The following TRPV6 variants were observed in gnomAD, a reference collection of about 807,000 sequenced individuals.
TRPV6 encodes the protein Alu-binding protein with zinc finger domain.
Under a neutral mutation model 79.0 loss-of-function variants are expected in TRPV6, and 39 were observed. The observed-to-expected ratio is 0.49, with a 90% CI of 0.38 to 0.64. TRPV6 has a LOEUF of 0.64. Among genes scored for constraint, TRPV6 ranks in the 30% least tolerant of loss-of-function variants. The probability of loss-of-function intolerance (pLI) is 0.00; values close to 1 mark genes in which losing one functional copy is unlikely to be tolerated. For synonymous variants in TRPV6, 373 were observed against 391.9 expected (o/e 0.95, Z 0.57); for missense variants, 813 against 1,011.1 (o/e 0.80, Z 2.66).
Position 142,877,187 on chromosome 7 carries a change from T to C in TRPV6, c.562A>G (p.Thr188Ala), listed in dbSNP as rs754917834. ...GGACTACGGCGGAAGGCAGTGCCTG[T>C]GGCTCTGGCAGAGACACTGGCCCTG... Residue 188 changes from threonine (T) to alanine (A), a missense_variant, in exon 4 of 15, where the codon ACA (threonine) becomes GCA (alanine). This residue lies in a region of TRPV6 where 555 missense variants were observed against 631.0 expected (regional missense o/e 0.88). Coordinates refer to ENST00000359396, the MANE Select transcript of TRPV6 (RefSeq NM_018646.6). 1 of 1,614,188 alleles carries C rather than the reference T, an allele frequency of 6.2e-7. No homozygotes were observed. Among genetic ancestry groups the C allele is most frequent in the Non-Finnish European group, 8.5e-7 (1 of 1,180,034 alleles).
chr7:142,884,583 T>G (rs1381013307), intron 1 of TRPV6: 2 of 152,248 alleles, frequency 1.3e-5, no homozygotes, highest in Non-Finnish European at 2.9e-5. Context: ...TACTCCAAGC[T>G]GTCATGGTGA....
intron 8 of TRPV6, 59 bp downstream of exon 8, chr7:142,875,409 G>T: frequency 6.7e-7 from 1 of 1,487,626 alleles, no homozygotes; most frequent in Non-Finnish European, 9.0e-7. Flanking sequence ...AGGGACACCA[G>T]TCTCTGAGGA....
chr7:142,876,277 G>T lies in TRPV6; in HGVS notation c.882+131C>A. The T allele has an allele frequency of 3.7e-6, 5 of 1,366,922 alleles. 1 individual carries two copies. The South Asian group carries it at 4.4e-5, about 12-fold the overall frequency. The allele number at this position is 1,366,922 out of a possible 1,614,324, so 84.7% of individuals were successfully genotyped here. On this transcript the variant is annotated intron_variant, in intron 6 of 14. Transcript: ENST00000359396. ...GGAACAGGTAACCACAGTGGGAGGG[G>T]TTGAAAAATTTCTGAGTTGAGAATG...
intron 8 of TRPV6, 128 bp downstream of exon 8, chr7:142,875,340 G>T: frequency 1.6e-6 from 2 of 1,259,440 alleles, no homozygotes; most frequent in Non-Finnish European, 1.1e-6. Context: ...GCGTGCATTT[G>T]GAGTTTGTAC....
In TRPV6 at chr7:142,874,562, C is replaced by T. The variant is rs1332540982; in HGVS notation, c.1501G>A (p.Gly501Ser). ...GCGAAGTACATGACGTTGCACCAGC[C>T]CAGCACGAGTGCAAAGGACATGGGT... The change falls in exon 11 of 15, where the codon GGC (glycine) becomes AGC (serine). Residue 501 changes from glycine to serine, a missense_variant. Physicochemically the swap from Gly to Ser is moderately conservative, Grantham distance 56. Coordinates refer to ENST00000359396, the MANE Select transcript of TRPV6 (RefSeq NM_018646.6). 6.2e-7 allele frequency: 1 copy of T among 1,614,082 alleles called. No individual in the cohort carries two copies. Among genetic ancestry groups the T allele is most frequent in the African/African-American group, 1.3e-5 (1 of 74,994 alleles).
chr7:142,877,892 CT>C (rs752671314), intron 2 of TRPV6, 36 bp downstream of exon 2: 60 of 1,613,178 alleles, frequency 3.7e-5, no homozygotes, highest in Non-Finnish European at 5.0e-5. Context: ...ATGTGTGGGG[CT>C]CACCTAGGAG....
At chr7:142,881,311 A>G (rs1795186591) in intron 1 of TRPV6, 1 of 152,206 alleles carries the variant, frequency 6.6e-6, no homozygotes, top group South Asian at 2.1e-4. Context: ...CACCCTGCAC[A>G]TGACAGCCCT....
chr7:142,875,048 A>G, intron 9 of TRPV6, 30 bp downstream of exon 9: 6 of 1,614,156 alleles, frequency 3.7e-6, no homozygotes, highest in East Asian at 2.2e-5. Flanking sequence ...TCGGGCAGAC[A>G]GCCTCACCCA....
chr7:142,882,727 TGTAA>T (rs1326683897), intron 1 of TRPV6: 2 of 152,198 alleles, frequency 1.3e-5, no homozygotes, highest in Non-Finnish European at 2.9e-5. Flanking sequence ...TAGGCATGTG[TGTAA>T]GTATTTACCA....
chr7:142,876,953 A>G, intron 4 of TRPV6, 116 bp from the exon 5 acceptor site: 2 of 1,481,940 alleles, frequency 1.3e-6, no homozygotes, highest in South Asian at 1.3e-5. Context: ...GCTTGAGGAC[A>G]CTTTTCCTGC....
rs1354466356 is a variant in TRPV6, at chr7:142,878,143, C to A, written c.249-117G>T. 4.6e-5 allele frequency: 37 copies of A among 798,836 alleles called. 1 individual carries two copies. In the East Asian group the frequency reaches 9.4e-4, roughly 20 times the overall value. The allele number at this position is 798,836 out of a possible 1,614,324, so 49.5% of individuals were successfully genotyped here. A position where few individuals can be genotyped will look rare whatever the true frequency, so the allele number is the denominator to read the frequency against. ...ATGTGTGTGCCTCAGCAGCAGGAAC[C>A]TCAGGGTCTTCAATCAAGGCAGGTG... On this transcript the variant is annotated intron_variant, in intron 1 of 14. Coordinates refer to ENST00000359396, the MANE Select transcript of TRPV6 (RefSeq NM_018646.6).
In TRPV6 at chr7:142,875,596, G is replaced by A. The variant is rs776101122; in HGVS notation, c.1114C>T (p.Leu372=). The A allele has an allele frequency of 4.3e-6, 7 of 1,613,814 alleles. No individual in the cohort carries two copies. The South Asian group carries it at 5.5e-5, about 13-fold the overall frequency. Reference sequence around the variant, plus strand: ...ATGTACAGCAGATATATGGCACCCAGCATGCAGAAGTACGGCCGCCCGTAC... The same window carrying A: ...ATGTACAGCAGATATATGGCACCCAACATGCAGAAGTACGGCCGCCCGTAC... The change falls in exon 8 of 15, where the codon CTG becomes TTG. Residue 372 remains leucine, a synonymous_variant. Coordinates refer to ENST00000359396, the MANE Select transcript of TRPV6 (RefSeq NM_018646.6).
intron 1 of TRPV6, 147 bp downstream of exon 1, chr7:142,885,242 A>G (rs1020211258): frequency 8.1e-5 from 74 of 910,698 alleles, no homozygotes; most frequent in Non-Finnish European, 1.1e-4. Context: ...CTCTTAAGAC[A>G]GAATGCTCCC....
At chr7:142,878,788 C>T (rs1432961532) in intron 1 of TRPV6, 1 of 152,142 alleles carries the variant, frequency 6.6e-6, no homozygotes, top group Non-Finnish European at 1.5e-5. Flanking sequence ...TAAAGTGGAC[C>T]CCTGGATCAG....
intron 9 of TRPV6, 29 bp from the exon 10 acceptor site, chr7:142,875,009 C>T: frequency 6.2e-7 from 1 of 1,614,140 alleles, no homozygotes. Context: ...CACAAAGGCA[C>T]TCAGATACCG....
Position 142,871,936 on chromosome 7 carries a change from G to C in TRPV6, c.2069C>G (p.Ala690Gly). 4.3e-6 allele frequency: 7 copies of C among 1,613,756 alleles called. No homozygotes were observed. The highest frequency in any genetic ancestry group is 5.9e-6 in the Non-Finnish European group (7 of 1,179,772). ...ATCCTCAGAGCCCCGGGTGTGGAAG[G>C]CCTGTGCGTAGCGTTGGATCCGCTG... is the stretch of plus-strand genomic sequence containing the variant. Residue 690 changes from alanine to glycine, a missense_variant, in exon 15 of 15, where the codon GCC (alanine) becomes GGC (glycine). Coordinates refer to ENST00000359396, the MANE Select transcript of TRPV6 (RefSeq NM_018646.6).
At chr7:142,876,026 G>T in intron 6 of TRPV6, 122 bp from the exon 7 acceptor site, 1 of 1,153,276 alleles carries the variant, frequency 8.7e-7, no homozygotes, top group Non-Finnish European at 1.2e-6. Flanking sequence ...TCATTTTGAT[G>T]ACAGCCTTTA....
intron 1 of TRPV6, chr7:142,882,393 A>G (rs1366076426): frequency 6.6e-6 from 1 of 152,178 alleles, no homozygotes; most frequent in Non-Finnish European, 1.5e-5. Flanking sequence ...AGAAGATCAC[A>G]CGGAGTTAAA....
At chr7:142,882,945 A>AC (rs1177871017) in intron 1 of TRPV6, 1 of 151,978 alleles carries the variant, frequency 6.6e-6, no homozygotes, top group East Asian at 1.9e-4. Flanking sequence ...TGCCCAGGAC[A>AC]CCCCACAGCA....
Sources: allele counts gnomAD v4.1 joint callset, GRCh38; gene constraint gnomAD v4.1.1; regional missense constraint gnomAD v4.1.1; transcripts MANE v1.5; gene names NCBI Gene and HGNC (gene_info 2026-07-23, HGNC 2026-07-21).